Variants in PDE8A observed in about 807,000 individuals in gnomAD.
PDE8A encodes high affinity cAMP-specific and IBMX-insensitive 3',5'-cyclic phosphodiesterase 8A.
PDE8A carries 59 observed loss-of-function variants against 105.0 expected under a neutral mutation model. The ratio of observed to expected loss-of-function variants is 0.56; its 90% CI spans 0.46 to 0.70. PDE8A has a LOEUF of 0.70. Ranked by LOEUF, PDE8A falls within the 30% of genes least tolerant of loss-of-function variation. The pLI, the probability that PDE8A is intolerant of heterozygous loss-of-function variation, is 0.00. For missense variants in PDE8A, 1,014 were observed against 1,045.9 expected, an observed-to-expected ratio of 0.97 and a Z score of 0.42; for synonymous variants, 355 against 371.9, an observed-to-expected ratio of 0.95 and a Z score of 0.52.
chr15:85,079,174 A>G (rs911963918), intron 5 of PDE8A, among the ~76,000 whole-genome samples: 6 of 152,250 alleles, frequency 3.9e-5, no homozygotes, highest in African/African-American at 1.4e-4. Flanking sequence ...AACATAGACT[A>G]GAATATATAA....
rs184394404 is a variant in PDE8A, at chr15:85,033,907, A to C, written c.187-30463A>C. Among the ~76,000 whole-genome samples the C allele has an allele frequency of 2.0e-4, 30 of 152,286 alleles. 1 individual carries two copies. Among genetic ancestry groups the C allele is most frequent in the Admixed American group, 1.8e-3 (27 of 15,278 alleles). On this transcript the variant is annotated intron_variant, in intron 1 of 21. Transcript: ENST00000394553. ...AACACAAAAATTCCCTAAAGAAGGA[A>C]ACAAATAGTGGAGAAAACAAAAGTT...
At chr15:85,051,417 G>T (rs149790640) in intron 1 of PDE8A, among the ~76,000 whole-genome samples, 2 of 152,202 alleles carry the variant, frequency 1.3e-5, no homozygotes, top group East Asian at 3.9e-4. Flanking sequence ...TATGATGTTT[G>T]CTGTGGGTTT....
At chr15:84,997,746 C>T (rs1320697443) in intron 1 of PDE8A, among the ~76,000 whole-genome samples, 1 of 152,096 alleles carries the variant, frequency 6.6e-6, no homozygotes, top group Non-Finnish European at 1.5e-5. Context: ...GTGCATGCCA[C>T]CATGCCAGGC....
At chr15:85,085,576 T>C (rs1596502583) in intron 6 of PDE8A, among the ~76,000 whole-genome samples, 1 of 150,800 alleles carries the variant, frequency 6.6e-6, no homozygotes, top group African/African-American at 2.4e-5. Context: ...TGAGCACCTG[T>C]AATCCCAGCT....
chr15:85,020,662 A>C (rs2080410035), intron 1 of PDE8A, among the ~76,000 whole-genome samples: 1 of 152,146 alleles, frequency 6.6e-6, no homozygotes, highest in Non-Finnish European at 1.5e-5. Context: ...ACTTAGAGAA[A>C]ATTTACCAAA....
intron 1 of PDE8A, among the ~76,000 whole-genome samples, chr15:85,045,173 T>G (rs1375239723): frequency 6.6e-6 from 1 of 152,226 alleles, no homozygotes; most frequent in Non-Finnish European, 1.5e-5. Flanking sequence ...CTTCCTTGAC[T>G]CTGATTCAGT....
rs74027417 is a variant in PDE8A at position 85,134,488 on chromosome 15, G to T, written c.2254-2046G>T. ...ACTGCTTTTCTTAGACAGCAGTGGG[G>T]CTGCCAACAGCAGGGCCTTCACCAC... On this transcript the variant is annotated intron_variant, in intron 20 of 21. Coordinates refer to ENST00000394553, the MANE Select transcript of PDE8A (RefSeq NM_002605.3). Among the ~76,000 whole-genome samples the T allele has an allele frequency of 3.2e-3, 494 of 152,248 alleles. 2 individuals are homozygous for T. The highest frequency in any genetic ancestry group is 0.011 in the African/African-American group (464 of 41,544).
At position 85,091,201 on chromosome 15, in the gene PDE8A, C is replaced by A; in HGVS notation, c.852+20C>A. ...GGCAAGGTAAGTAAGAGGTCAGTGC[C>A]TTTTTTAACTTTCACAACACAGAGA... On this transcript the variant is annotated intron_variant, in intron 8 of 21. Coordinates refer to ENST00000394553, the MANE Select transcript of PDE8A (RefSeq NM_002605.3). The A allele has an allele frequency of 6.4e-7, 1 of 1,574,680 alleles. No individual in the cohort carries two copies. The highest frequency in any genetic ancestry group is 8.6e-7 in the Non-Finnish European group (1 of 1,159,834).
chr15:85,124,613 C>T (rs868178278), intron 19 of PDE8A, among the ~76,000 whole-genome samples: 1 of 152,320 alleles, frequency 6.6e-6, no homozygotes, highest in Middle Eastern at 3.4e-3. Flanking sequence ...TACCCCATGA[C>T]ACTTACTTTG....
chr15:84,990,462 T>A (rs2079869922), intron 1 of PDE8A, among the ~76,000 whole-genome samples: 1 of 152,198 alleles, frequency 6.6e-6, no homozygotes, highest in Non-Finnish European at 1.5e-5. Context: ...TATTCTAGAT[T>A]TCATGTAAAT....
chr15:85,108,998 C>CAAATTTTAGATTAAAAAACAAA, intron 11 of PDE8A, 55 bp from the exon 12 acceptor site: 2 of 1,250,686 alleles, frequency 1.6e-6, no homozygotes, highest in Non-Finnish European at 1.1e-6. Flanking sequence ...GGTAACCTTC[C>CAAATTTTAGATTAAAAAACAAA]TTAATATGTT....
chr15:85,076,592 A>G, intron 4 of PDE8A, 141 bp from the exon 5 acceptor site: 1 of 611,636 alleles, frequency 1.6e-6, no homozygotes, highest in Non-Finnish European at 3.0e-6. Context: ...TTTCAACTTT[A>G]TCCTTTAAAT....
intron 1 of PDE8A, among the ~76,000 whole-genome samples, chr15:84,993,199 T>A (rs1036376116): frequency 6.6e-6 from 1 of 151,666 alleles, no homozygotes; most frequent in Admixed American, 6.6e-5. Context: ...ATCCCAGCAC[T>A]TTGGGAGGCC....
At chr15:85,077,422 GGTTAGT>G (rs2081395163) in intron 5 of PDE8A, among the ~76,000 whole-genome samples, 1 of 152,182 alleles carries the variant, frequency 6.6e-6, no homozygotes, top group African/African-American at 2.4e-5. Flanking sequence ...TTGTAGCCCA[GGTTAGT>G]ATAAGAAAGG....
At position 85,115,150 on chromosome 15, in the gene PDE8A, C is replaced by T. The variant is rs1052253089; in HGVS notation, c.1351-289C>T. The T allele has an allele frequency of 1.0e-5, 4 of 392,626 alleles. No homozygotes were observed. The Admixed American group carries it at 2.0e-4, about 20-fold the overall frequency. 24.3% of individuals were successfully genotyped at this position (392,626 alleles called of 1,614,324 possible). A position where few individuals can be genotyped will look rare whatever the true frequency, so the allele number is the denominator to read the frequency against. ...CAAGAATGCTGGGCTTAAAGACCACCCACCCCTCAAAAGATGCAGGCTCAC... is the reference window on the plus strand; with the variant it reads ...CAAGAATGCTGGGCTTAAAGACCACTCACCCCTCAAAAGATGCAGGCTCAC... On this transcript the variant is annotated intron_variant, in intron 14 of 21. Transcript: ENST00000394553.
chr15:85,103,096 C>T (rs2081892159), intron 11 of PDE8A, among the ~76,000 whole-genome samples: 1 of 152,046 alleles, frequency 6.6e-6, no homozygotes, highest in Non-Finnish European at 1.5e-5. Flanking sequence ...GTGACACGCG[C>T]CAGTAGTCCC....
At chr15:85,074,838 T>C (rs28660426) in intron 3 of PDE8A, among the ~76,000 whole-genome samples, 7,260 of 152,318 alleles carry the variant, frequency 0.048, 241 homozygotes, top group African/African-American at 0.095. Context: ...CTGAAGCAAA[T>C]GCAGTCAGTC....
intron 5 of PDE8A, among the ~76,000 whole-genome samples, chr15:85,082,571 G>A (rs936148266): frequency 2.0e-5 from 3 of 152,020 alleles, no homozygotes; most frequent in Non-Finnish European, 2.9e-5. Context: ...CAGTTCAGAC[G>A]GGTCATTTGC....
At chr15:85,104,450 A>G (rs1210285725) in intron 11 of PDE8A, among the ~76,000 whole-genome samples, 2 of 152,004 alleles carry the variant, frequency 1.3e-5, no homozygotes, top group African/African-American at 4.8e-5. Context: ...AAATAGGTAA[A>G]TGGGAAAGGG....
Sources: allele counts gnomAD v4.1 joint callset (sites outside exome capture counted in the v4.1 genomes callset), GRCh38; gene constraint gnomAD v4.1.1; transcripts MANE v1.5; gene names NCBI Gene and HGNC (gene_info 2026-07-23, HGNC 2026-07-21).